Variants in GLI3 observed in about 807,000 individuals in gnomAD.
The protein encoded by GLI3 is transcription activator GLI3.
GLI3 carries 20 observed loss-of-function variants against 100.8 expected under a neutral mutation model. That is an observed-to-expected ratio of 0.20 (90% CI 0.14 to 0.29). The LOEUF (loss-of-function observed/expected upper bound fraction) is 0.29. Among genes scored for constraint, GLI3 ranks in the 10% least tolerant of loss-of-function variants. The probability of loss-of-function intolerance (pLI) is 1.00; values close to 1 mark genes in which losing one functional copy is unlikely to be tolerated. For synonymous variants in GLI3, 938 were observed against 860.5 expected (o/e 1.09, Z -1.58); for missense variants, 2,040 against 2,128.5 (o/e 0.96, Z 0.82).
intron 2 of GLI3, among the ~76,000 whole-genome samples, chr7:42,160,169 CTG>C (rs1452379054): frequency 1.3e-5 from 2 of 152,148 alleles, no homozygotes; most frequent in African/African-American, 4.8e-5. Context: ...GCTTTATAAA[CTG>C]TGGCATTTAT....
chr7:42,200,604 A>G (rs1395981975), intron 2 of GLI3, among the ~76,000 whole-genome samples: 2 of 152,174 alleles, frequency 1.3e-5, no homozygotes, highest in Admixed American at 6.5e-5. Flanking sequence ...GTGATAAATT[A>G]TATCATTTTA....
intron 10 of GLI3, among the ~76,000 whole-genome samples, chr7:41,994,103 G>T (rs1788062189): frequency 1.3e-5 from 2 of 152,080 alleles, no homozygotes; most frequent in African/African-American, 4.8e-5. Context: ...ACTGGCTGTA[G>T]AAAAAAATAA....
At chr7:42,175,798 T>C (rs1411542122) in intron 2 of GLI3, among the ~76,000 whole-genome samples, 2 of 152,180 alleles carry the variant, frequency 1.3e-5, no homozygotes, top group African/African-American at 2.4e-5. Context: ...AACTACCGAA[T>C]ATCAGACTGT....
intron 1 of GLI3, among the ~76,000 whole-genome samples, chr7:42,225,464 A>G (rs1459109405): frequency 2.0e-5 from 3 of 152,116 alleles, no homozygotes; most frequent in African/African-American, 7.2e-5. Context: ...GCTTCAAGCG[A>G]TTCTCCTGCC....
Position 42,040,259 on chromosome 7 carries a change from G to T in GLI3, c.827-20C>A. On this transcript the variant is annotated intron_variant, in intron 6 of 14. Transcript: ENST00000395925. Reference sequence around the variant, plus strand: ...TGGTGCCTGTTATATAAACAAAAAAGAACCTAATTACCTGCAGTTGGACTC... The same window carrying T: ...TGGTGCCTGTTATATAAACAAAAAATAACCTAATTACCTGCAGTTGGACTC... 3 of 1,567,768 alleles carry T rather than the reference G, an allele frequency of 1.9e-6. No homozygotes were observed. Among genetic ancestry groups the T allele is most frequent in the Non-Finnish European group, 2.6e-6 (3 of 1,138,252 alleles).
intron 10 of GLI3, among the ~76,000 whole-genome samples, chr7:42,007,775 GA>G (rs1562682236): frequency 6.6e-6 from 1 of 152,136 alleles, no homozygotes; most frequent in South Asian, 2.1e-4. Context: ...GGTATACAAG[GA>G]AAAACTGAGG....
chr7:42,203,329 G>C (rs1385805950), intron 2 of GLI3, among the ~76,000 whole-genome samples: 3 of 152,072 alleles, frequency 2.0e-5, no homozygotes, highest in African/African-American at 4.8e-5. Flanking sequence ...TAGCTCTGTT[G>C]AACTTATTCC....
chr7:41,966,014 C>T lies in GLI3; in HGVS notation c.3059G>A (p.Arg1020His), dbSNP rs1465156556. 3 of 1,598,006 alleles carry T rather than the reference C, an allele frequency of 1.9e-6. No homozygotes were observed. Among genetic ancestry groups the T allele is most frequent in the African/African-American group, 1.3e-5 (1 of 74,940 alleles). ...RTGSEGLALP[R>H]VPRFSSLSSC... Reference sequence around the variant, plus strand: ...GCTGAGGCTGCTGAAGCGCGGCACACGAGGCAGGGCCAGGCCCTCGGAGCC... The same window carrying T: ...GCTGAGGCTGCTGAAGCGCGGCACATGAGGCAGGGCCAGGCCCTCGGAGCC... The change falls in exon 15 of 15, where the codon CGT becomes CAT. Residue 1020 changes from arginine to histidine, a missense_variant. Physicochemically the swap from Arg to His is conservative, Grantham distance 29. Transcript: ENST00000395925. This position sits in a 1 kb window ranked among gnomAD's most constrained non-coding sequence, Gnocchi z 5.8.
At chr7:42,108,624 T>G (rs1441790761) in intron 3 of GLI3, among the ~76,000 whole-genome samples, 1 of 152,120 alleles carries the variant, frequency 6.6e-6, no homozygotes, top group African/African-American at 2.4e-5. Flanking sequence ...ACAACTCAGC[T>G]AGAAGTCTGA....
intron 1 of GLI3, among the ~76,000 whole-genome samples, chr7:42,248,153 C>T (rs6956494): frequency 0.33 from 49,896 of 151,972 alleles, 8,980 homozygotes; most frequent in Middle Eastern, 0.52. Context: ...TCCTAAAGAC[C>T]CCCATATCTC....
chr7:42,052,927 T>G (rs1784380261), intron 4 of GLI3, among the ~76,000 whole-genome samples: 1 of 152,154 alleles, frequency 6.6e-6, no homozygotes, highest in South Asian at 2.1e-4. Flanking sequence ...AATAAAGGTG[T>G]TTTTAACCTT....
intron 4 of GLI3, among the ~76,000 whole-genome samples, chr7:42,068,623 A>G (rs1784722928): frequency 6.6e-6 from 1 of 152,184 alleles, no homozygotes; most frequent in South Asian, 2.1e-4. Context: ...TCCCCGGGGC[A>G]GGGATGGGGA....
chr7:42,072,687 G>A (rs185234428), intron 4 of GLI3, among the ~76,000 whole-genome samples: 12 of 152,248 alleles, frequency 7.9e-5, no homozygotes, highest in African/African-American at 2.6e-4. Flanking sequence ...GTCTCCTCGA[G>A]TTAGGGAAGG....
At position 41,970,552 on chromosome 7, in the gene GLI3, G is replaced by A. The variant is rs186033891; in HGVS notation, c.2103+1785C>T. Among the ~76,000 whole-genome samples, 18 of 152,148 alleles carry A rather than the reference G, an allele frequency of 1.2e-4. No individual in the cohort carries two copies. The East Asian group carries it at 2.1e-3, about 18-fold the overall frequency. On this transcript the variant is annotated intron_variant, in intron 13 of 14. Coordinates refer to ENST00000395925, the MANE Select transcript of GLI3 (RefSeq NM_000168.6). ...AAGTAATGACAAGACCCACAATTAC[G>A]TTGGCACCAACCTAATATGACTGAA...
In GLI3 at chr7:42,132,249, C is replaced by T. The variant is rs12701945; in HGVS notation, c.367+15977G>A. Among the ~76,000 whole-genome samples, 118 of 74,580 alleles carry T rather than the reference C, an allele frequency of 1.6e-3. 1 individual carries two copies. Among genetic ancestry groups the T allele is most frequent in the Admixed American group, 3.9e-3 (26 of 6,640 alleles). The allele number at this position is 74,580 out of a possible 152,430, so 48.9% of individuals were successfully genotyped here. On this transcript the variant is annotated intron_variant, in intron 3 of 14. Coordinates refer to ENST00000395925, the MANE Select transcript of GLI3 (RefSeq NM_000168.6). ...CCGAGTAGCTGGGACTACAGGCGCCCGCCACTACGCCCGGCTAATTTTTTG... is the reference window on the plus strand; with the variant it reads ...CCGAGTAGCTGGGACTACAGGCGCCTGCCACTACGCCCGGCTAATTTTTTG...
intron 1 of GLI3, among the ~76,000 whole-genome samples, chr7:42,234,331 G>C (rs996619219): frequency 2.0e-5 from 3 of 152,310 alleles, no homozygotes; most frequent in Admixed American, 2.0e-4. Flanking sequence ...TTACATAGGA[G>C]GAAGGACCTC....
intron 2 of GLI3, among the ~76,000 whole-genome samples, chr7:42,182,634 A>G (rs976741190): frequency 4.2e-5 from 4 of 94,878 alleles, no homozygotes; most frequent in Admixed American, 1.2e-4. Context: ...ATGCATATGT[A>G]TATGTGTGTG....
At chr7:42,110,219 C>T (rs2330410) in intron 3 of GLI3, among the ~76,000 whole-genome samples, 137,570 of 152,286 alleles carry the variant, frequency 0.9, 63,029 homozygotes, top group East Asian at 1. Context: ...TTGTTAGTAT[C>T]TCCATACAAA....
intron 3 of GLI3, among the ~76,000 whole-genome samples, chr7:42,078,268 A>C (rs78912107): frequency 0.018 from 2,690 of 152,282 alleles, 67 homozygotes; most frequent in African/African-American, 0.062. Context: ...CTATTTTCCA[A>C]ATTTTCTTCA....
Sources: gnomAD v4.1 joint callset for allele counts (sites outside exome capture counted in the v4.1 genomes callset) on GRCh38, gnomAD v4.1.1 for gene constraint, Gnocchi (gnomAD v3.1) non-coding constraint, MANE v1.5 for transcripts, NCBI Gene and HGNC (gene_info 2026-07-23, HGNC 2026-07-21) for gene names.